The following GALNTL6 variants were observed in gnomAD, a reference collection of about 807,000 sequenced individuals.
GALNTL6 encodes polypeptide N-acetylgalactosaminyltransferase like 6.
A neutral mutation model predicts 73.7 loss-of-function variants in GALNTL6; 46 were observed. The ratio of observed to expected loss-of-function variants is 0.62; its 90% confidence interval spans 0.49 to 0.80. The LOEUF is 0.80. Among genes scored for constraint, GALNTL6 ranks in the 30% least tolerant of loss-of-function variants. The pLI, the probability that GALNTL6 is intolerant of heterozygous loss-of-function variation, is 0.00. For missense variants in GALNTL6, 604 were observed against 755.0 expected, an observed-to-expected ratio of 0.80 and a Z score of 2.34; for synonymous variants, 259 against 263.7, an observed-to-expected ratio of 0.98 and a Z score of 0.17.
chr4:172,618,963 C>G (rs561268320), intron 5 of GALNTL6, among the ~76,000 whole-genome samples: 37 of 152,216 alleles, frequency 2.4e-4, no homozygotes, highest in African/African-American at 8.4e-4. Context: ...ACCTCATGAT[C>G]CGCCTGCCTC....
intron 5 of GALNTL6, among the ~76,000 whole-genome samples, chr4:172,476,070 A>C (rs1733219406): frequency 6.6e-6 from 1 of 152,224 alleles, no homozygotes; most frequent in African/African-American, 2.4e-5. Flanking sequence ...CCTATCTGAT[A>C]TCCAGTCGAA....
At chr4:172,810,334 T>C (rs1741217071) in intron 6 of GALNTL6, among the ~76,000 whole-genome samples, 1 of 152,200 alleles carries the variant, frequency 6.6e-6, no homozygotes. Context: ...AAGTAAAATA[T>C]AAAGTCCAGT....
At chr4:172,143,489 T>TTTTTG (rs1278211597) in intron 2 of GALNTL6, among the ~76,000 whole-genome samples, 3 of 152,040 alleles carry the variant, frequency 2.0e-5, no homozygotes, top group Non-Finnish European at 4.4e-5. Context: ...GGTTTGAGGA[T>TTTTTG]TTTTGTTTTG....
At position 172,960,501 on chromosome 4, in the gene GALNTL6, G is replaced by C. The variant is rs185672951; in HGVS notation, c.1371+8243G>C. ...AGGAGGGGAGAGGTCAGATGGGTCT[G>C]TAGAAAAGGAAGATTAGAAAGACTC... On this transcript the variant is annotated intron_variant, in intron 10 of 12. Transcript: ENST00000506823. 7.0e-3 allele frequency among the ~76,000 whole-genome samples: 1,069 copies of C among 152,274 alleles called. 8 individuals carry two copies. The highest frequency in any genetic ancestry group is 9.4e-3 in the Non-Finnish European group (640 of 68,018).
intron 2 of GALNTL6, among the ~76,000 whole-genome samples, chr4:171,855,162 G>C (rs1735653062): frequency 6.6e-6 from 1 of 152,048 alleles, no homozygotes; most frequent in Non-Finnish European, 1.5e-5. Flanking sequence ...TTTACTCTTT[G>C]TGTTGTAGAA....
intron 3 of GALNTL6, among the ~76,000 whole-genome samples, chr4:172,252,576 A>G: frequency 6.6e-6 from 1 of 152,236 alleles, no homozygotes; most frequent in East Asian, 1.9e-4. Context: ...AAAGCTTTAT[A>G]TTTTCTATAG....
chr4:171,997,708 A>C (rs909039608), intron 2 of GALNTL6, among the ~76,000 whole-genome samples: 2 of 152,134 alleles, frequency 1.3e-5, no homozygotes, highest in Non-Finnish European at 2.9e-5. Context: ...GAATACAAGT[A>C]ATAGCCCAAA....
chr4:172,854,225 A>G (rs1480842919), intron 7 of GALNTL6, among the ~76,000 whole-genome samples: 1 of 151,916 alleles, frequency 6.6e-6, no homozygotes, highest in East Asian at 1.9e-4. Flanking sequence ...TTTGGCCCAT[A>G]TCCTACTCTA....
intron 2 of GALNTL6, among the ~76,000 whole-genome samples, chr4:172,226,930 A>G (rs561517821): frequency 2.6e-5 from 4 of 152,234 alleles, no homozygotes; most frequent in African/African-American, 9.6e-5. Flanking sequence ...CTTTGAGAAA[A>G]TTAAATTTAG....
chr4:172,085,966 T>G (rs1157527812), intron 2 of GALNTL6, among the ~76,000 whole-genome samples: 1 of 152,172 alleles, frequency 6.6e-6, no homozygotes, highest in Non-Finnish European at 1.5e-5. Flanking sequence ...TTTAGATCAA[T>G]TTAATGGGTA....
intron 3 of GALNTL6, among the ~76,000 whole-genome samples, chr4:172,283,537 G>A (rs1389186290): frequency 1.3e-5 from 2 of 151,978 alleles, no homozygotes; most frequent in African/African-American, 2.4e-5. Context: ...CTAAACAGAA[G>A]GATGCTAAAT....
chr4:172,850,752 C>T (rs1416358354), intron 7 of GALNTL6, among the ~76,000 whole-genome samples: 2 of 152,124 alleles, frequency 1.3e-5, no homozygotes, highest in African/African-American at 4.8e-5. Context: ...TTCCCATGAC[C>T]CCTTTTACGG....
intron 2 of GALNTL6, among the ~76,000 whole-genome samples, chr4:172,115,331 G>A (rs1006656289): frequency 2.6e-5 from 4 of 152,082 alleles, no homozygotes; most frequent in African/African-American, 9.7e-5. Context: ...ATTGCTTCAG[G>A]AAGGTATAGA....
At chr4:172,443,094 G>C (rs1371207144) in intron 5 of GALNTL6, among the ~76,000 whole-genome samples, 2 of 135,582 alleles carry the variant, frequency 1.5e-5, no homozygotes, top group Non-Finnish European at 3.1e-5. Context: ...ACATGAAGGA[G>C]AGAAATCACC....
intron 5 of GALNTL6, among the ~76,000 whole-genome samples, chr4:172,423,312 C>G (rs1731114342): frequency 6.6e-6 from 1 of 152,052 alleles, no homozygotes; most frequent in African/African-American, 2.4e-5. Context: ...CTGCATTTCT[C>G]ACAGAACAAA....
At chr4:172,757,530 A>G (rs932844213) in intron 5 of GALNTL6, among the ~76,000 whole-genome samples, 2 of 152,180 alleles carry the variant, frequency 1.3e-5, no homozygotes, top group African/African-American at 4.8e-5. Flanking sequence ...GCAATAAGGA[A>G]ACATTAAAAT....
At chr4:171,825,686 C>A (rs1198593558) in intron 2 of GALNTL6, among the ~76,000 whole-genome samples, 1 of 152,128 alleles carries the variant, frequency 6.6e-6, no homozygotes, top group African/African-American at 2.4e-5. Flanking sequence ...TCACTTTACA[C>A]CTCTTCTCTC....
At chr4:172,330,138 G>A (rs1017036942) in intron 4 of GALNTL6, among the ~76,000 whole-genome samples, 3 of 152,234 alleles carry the variant, frequency 2.0e-5, no homozygotes, top group Admixed American at 1.3e-4. Flanking sequence ...TTTTCTAGGG[G>A]TGTGTATGGG....
intron 5 of GALNTL6, among the ~76,000 whole-genome samples, chr4:172,531,460 C>G (rs1579160200): frequency 6.6e-6 from 1 of 152,200 alleles, no homozygotes. Context: ...ACAGCTGACA[C>G]GTCCCCTGAC....
Sources: gnomAD v4.1 joint callset for allele counts (sites outside exome capture counted in the v4.1 genomes callset) on GRCh38, gnomAD v4.1.1 for gene constraint, MANE v1.5 for transcripts, NCBI Gene and HGNC (gene_info 2026-07-23, HGNC 2026-07-21) for gene names.